LRP1B: variants seen among roughly 807,000 people sequenced by gnomAD.
The protein encoded by LRP1B is LDL receptor related protein 1B, also known as low-density lipoprotein receptor-related protein 1B.
A neutral mutation model predicts 556.6 loss-of-function variants in LRP1B; 217 were observed. The observed-to-expected ratio is 0.39, with a 90% confidence interval of 0.35 to 0.44. LRP1B has a LOEUF of 0.44. Among genes scored for constraint, LRP1B ranks in the 20% least tolerant of loss-of-function variants. The pLI is 1.00. For synonymous variants in LRP1B, 2,047 were observed against 1,865.8 expected, an observed-to-expected ratio of 1.10 and a Z score of -2.50; for missense variants, 5,053 against 5,620.8, an observed-to-expected ratio of 0.90 and a Z score of 3.23.
intron 7 of LRP1B, among the ~76,000 whole-genome samples, chr2:141,074,589 C>CTCTCTATATATA (rs10643830): frequency 2.9e-4 from 40 of 136,476 alleles, no homozygotes; most frequent in Admixed American, 1.5e-3. Flanking sequence ...CTCTCTCTCT[C>CTCTCTATATATA]TATATATATA....
rs574127520 is a variant in LRP1B at position 141,468,861 on chromosome 2, T to A, written c.343+11535A>T. 5.9e-5 allele frequency among the ~76,000 whole-genome samples: 9 copies of A among 152,282 alleles called. 1 individual carries two copies. In the South Asian group the frequency reaches 1.9e-3, roughly 32 times the overall value. On this transcript the variant is annotated intron_variant, in intron 3 of 90. Transcript: ENST00000389484. ...GGGCTTGTCCTTCCCATTCTCCTTG[T>A]ATCCGACACTCAAGCCTTGGCTCGC...
At chr2:140,730,325 T>C (rs187381992) in intron 35 of LRP1B, among the ~76,000 whole-genome samples, 7 of 152,302 alleles carry the variant, frequency 4.6e-5, no homozygotes, top group Admixed American at 3.3e-4. Context: ...CATGAGCCTT[T>C]GATGAAGTCC....
chr2:140,410,142 A>AT (rs1404549312), intron 66 of LRP1B, among the ~76,000 whole-genome samples: 1 of 151,870 alleles, frequency 6.6e-6, no homozygotes, highest in Non-Finnish European at 1.5e-5. Context: ...TGAGCTATAT[A>AT]TTTTTTCATT....
intron 3 of LRP1B, among the ~76,000 whole-genome samples, chr2:141,382,867 CA>C: frequency 6.6e-6 from 1 of 152,060 alleles, no homozygotes; most frequent in Admixed American, 6.6e-5. Flanking sequence ...CAAAAGTAAA[CA>C]AGTGGGACTA....
At chr2:141,470,131 T>C (rs1454473174) in intron 3 of LRP1B, among the ~76,000 whole-genome samples, 1 of 152,230 alleles carries the variant, frequency 6.6e-6, no homozygotes, top group Non-Finnish European at 1.5e-5. Flanking sequence ...TTATTCAAAA[T>C]TTAAACTTTC....
chr2:141,697,617 T>C (rs1691775978), intron 2 of LRP1B, among the ~76,000 whole-genome samples: 2 of 151,982 alleles, frequency 1.3e-5, no homozygotes, highest in African/African-American at 4.8e-5. Flanking sequence ...TAATGTCATA[T>C]GGAACTTGTA....
At chr2:140,638,481 T>A (rs935888726) in intron 41 of LRP1B, among the ~76,000 whole-genome samples, 26 of 152,342 alleles carry the variant, frequency 1.7e-4, no homozygotes, top group African/African-American at 6.0e-4. Flanking sequence ...CACATGGTGA[T>A]GTTTAAAAAG....
At chr2:141,783,012 A>G (rs1201069617) in intron 2 of LRP1B, among the ~76,000 whole-genome samples, 1 of 152,072 alleles carries the variant, frequency 6.6e-6, no homozygotes, top group Non-Finnish European at 1.5e-5. Context: ...AAGCCTGTGG[A>G]GAAATGGAGA....
chr2:141,638,467 A>G (rs13023988), intron 2 of LRP1B, among the ~76,000 whole-genome samples: 53,348 of 136,858 alleles, frequency 0.39, 11,131 homozygotes, highest in Middle Eastern at 0.48. Context: ...GTATCCATCA[A>G]TGGCACTGGT....
intron 1 of LRP1B, among the ~76,000 whole-genome samples, chr2:141,947,309 T>C (rs1045856948): frequency 2.6e-5 from 4 of 151,948 alleles, no homozygotes; most frequent in African/African-American, 4.8e-5. Flanking sequence ...TGGTGGTGCA[T>C]GCCTGTAGTC....
chr2:141,180,341 A>G (rs1451605252), intron 7 of LRP1B, among the ~76,000 whole-genome samples: 1 of 101,072 alleles, frequency 9.9e-6, no homozygotes, highest in Non-Finnish European at 2.3e-5. Context: ...TTTTCATAGA[A>G]CTCCATAAAA....
intron 1 of LRP1B, among the ~76,000 whole-genome samples, chr2:141,881,081 A>C (rs1698943915): frequency 6.6e-6 from 1 of 152,074 alleles, no homozygotes; most frequent in South Asian, 2.1e-4. Flanking sequence ...TCACATCTTC[A>C]CAAGAAGGTA....
intron 1 of LRP1B, among the ~76,000 whole-genome samples, chr2:142,004,827 G>A (rs1411831262): frequency 1.3e-5 from 2 of 151,902 alleles, no homozygotes; most frequent in Non-Finnish European, 2.9e-5. Flanking sequence ...ACTCCAGTCT[G>A]GGCGACAGAG....
At chr2:142,102,012 A>T (rs998449355) in intron 1 of LRP1B, among the ~76,000 whole-genome samples, 4 of 151,930 alleles carry the variant, frequency 2.6e-5, no homozygotes, top group African/African-American at 9.7e-5. Flanking sequence ...ATAGTGCTTT[A>T]TCGTCATATC....
At chr2:141,620,623 T>A (rs1688473648) in intron 2 of LRP1B, among the ~76,000 whole-genome samples, 1 of 152,240 alleles carries the variant, frequency 6.6e-6, no homozygotes, top group African/African-American at 2.4e-5. Context: ...ATGTTGAATA[T>A]GTTAATACAT....
intron 31 of LRP1B, among the ~76,000 whole-genome samples, chr2:140,827,562 C>T (rs897658234): frequency 6.6e-5 from 10 of 151,266 alleles, no homozygotes; most frequent in Non-Finnish European, 1.0e-4. Flanking sequence ...AGAAAACATA[C>T]AGTAAAAGGA....
At chr2:141,895,784 A>G (rs192583545) in intron 1 of LRP1B, among the ~76,000 whole-genome samples, 1 of 152,300 alleles carries the variant, frequency 6.6e-6, no homozygotes, top group East Asian at 1.9e-4. Flanking sequence ...AGCTTTTTAC[A>G]TCATGACACA....
intron 2 of LRP1B, among the ~76,000 whole-genome samples, chr2:141,731,315 G>GT (rs1693266017): frequency 1.3e-5 from 2 of 152,072 alleles, no homozygotes; most frequent in African/African-American, 4.8e-5. Context: ...CCTTCAGAAG[G>GT]CTCAGAGACA....
chr2:140,423,750 A>G (rs1360991887), intron 66 of LRP1B, among the ~76,000 whole-genome samples: 1 of 152,142 alleles, frequency 6.6e-6, no homozygotes, highest in Non-Finnish European at 1.5e-5. Context: ...TTCCCAAAAA[A>G]TATTCCTAGT....
Sources: allele counts gnomAD v4.1 joint callset (sites outside exome capture counted in the v4.1 genomes callset), GRCh38; gene constraint gnomAD v4.1.1; transcripts MANE v1.5; gene names NCBI Gene and HGNC (gene_info 2026-07-23, HGNC 2026-07-21).